Variants in LIMS1 observed in about 807,000 individuals in gnomAD.
LIMS1 encodes LIM and senescent cell antigen-like-containing domain protein 1.
Under a neutral mutation model 44.1 loss-of-function variants are expected in LIMS1, and 18 were observed. The observed-to-expected ratio is 0.41, with a 90% CI of 0.28 to 0.61. The LOEUF (loss-of-function observed/expected upper bound fraction) is 0.61. LIMS1 is among the 20% of genes least tolerant of loss of function. LIMS1 has a pLI of 0.32. For missense variants in LIMS1, 201 were observed against 422.0 expected (o/e 0.48, Z 4.59); for synonymous variants, 93 against 149.1 (o/e 0.62, Z 2.74).
intron 1 of LIMS1, among the ~76,000 whole-genome samples, chr2:108,646,341 CAACTATGTTGA>C (rs1364179953): frequency 6.6e-6 from 1 of 152,210 alleles, no homozygotes; most frequent in Non-Finnish European, 1.5e-5. Flanking sequence ...CAAAACCACA[CAACTATGTTGA>C]AACTGAACAA....
intron 1 of LIMS1, among the ~76,000 whole-genome samples, chr2:108,630,192 C>CAAAAAAA (rs59941456): frequency 1.9e-5 from 2 of 103,928 alleles, no homozygotes; most frequent in Non-Finnish European, 3.7e-5. Context: ...GACCCTGTCT[C>CAAAAAAA]AAAAAAAAAA....
chr2:108,629,590 A>G (rs1028472708), intron 1 of LIMS1, among the ~76,000 whole-genome samples: 2 of 152,182 alleles, frequency 1.3e-5, no homozygotes, highest in African/African-American at 4.8e-5. Context: ...TTTGTTTGAC[A>G]TTGCATCCTT....
intron 1 of LIMS1, among the ~76,000 whole-genome samples, chr2:108,565,081 A>G (rs796462448): frequency 1.1e-4 from 16 of 152,366 alleles, no homozygotes; most frequent in African/African-American, 3.6e-4. Flanking sequence ...GAACTGCTCC[A>G]TAACTGAGTT....
chr2:108,645,177 G>A (rs190511986), intron 1 of LIMS1, among the ~76,000 whole-genome samples: 189 of 152,042 alleles, frequency 1.2e-3, no homozygotes, highest in African/African-American at 4.4e-3. Context: ...GAAAAGCAAC[G>A]CCAGGACACA....
chr2:108,593,588 G>T (rs1028298239), intron 1 of LIMS1, among the ~76,000 whole-genome samples: 4 of 152,164 alleles, frequency 2.6e-5, no homozygotes, highest in Non-Finnish European at 4.4e-5. Context: ...AGAACAATTA[G>T]CACCTGTATA....
At chr2:108,593,743 A>G (rs533962962) in intron 1 of LIMS1, among the ~76,000 whole-genome samples, 1 of 152,364 alleles carries the variant, frequency 6.6e-6, no homozygotes, top group East Asian at 1.9e-4. Context: ...TGAATTTTCC[A>G]CAGATAAACC....
At chr2:108,637,101 G>A (rs1049464892) in intron 1 of LIMS1, among the ~76,000 whole-genome samples, 1,137 of 34,212 alleles carry the variant, frequency 0.033, 18 homozygotes, top group African/African-American at 0.086. Flanking sequence ...ATACATATAT[G>A]TGTGTGTGTG....
At chr2:108,624,481 A>T (rs1160534777) in intron 1 of LIMS1, among the ~76,000 whole-genome samples, 5 of 152,142 alleles carry the variant, frequency 3.3e-5, no homozygotes, top group Non-Finnish European at 5.9e-5. Context: ...TGGTGGCTGG[A>T]TGCAGTGGCT....
At chr2:108,552,758 T>C (rs993032888) in intron 1 of LIMS1, among the ~76,000 whole-genome samples, 4 of 151,824 alleles carry the variant, frequency 2.6e-5, no homozygotes, top group African/African-American at 7.3e-5. Flanking sequence ...TACATTTTTT[T>C]GTAGAGATAA....
At chr2:108,681,594 T>C (rs1692998665) in intron 9 of LIMS1, 1 of 965,456 alleles carries the variant, frequency 1.0e-6, no homozygotes, top group Non-Finnish European at 1.2e-6. Context: ...TTGATATTTT[T>C]AAAAATGCAT....
intron 1 of LIMS1, among the ~76,000 whole-genome samples, chr2:108,656,564 A>C (rs1332957996): frequency 6.6e-6 from 1 of 151,488 alleles, no homozygotes; most frequent in African/African-American, 2.4e-5. Flanking sequence ...CAAAGGCAAA[A>C]GAGGAAAGGG....
At chr2:108,660,386 T>C in intron 2 of LIMS1, 1 of 450,484 alleles carries the variant, frequency 2.2e-6, no homozygotes, top group Admixed American at 2.6e-5. Flanking sequence ...TCCTTTGTAG[T>C]GTATTTGGTA....
chr2:108,664,034 G>GT (rs1455746233), intron 2 of LIMS1, among the ~76,000 whole-genome samples: 1 of 152,186 alleles, frequency 6.6e-6, no homozygotes, highest in African/African-American at 2.4e-5. Context: ...GATTACAGGA[G>GT]TGAGCCACTA....
chr2:108,595,807 C>CT (rs1196252249), intron 1 of LIMS1, among the ~76,000 whole-genome samples: 3 of 152,096 alleles, frequency 2.0e-5, no homozygotes, highest in South Asian at 4.2e-4. Context: ...TTTGGAGCCT[C>CT]TTTTTTTTAT....
intron 1 of LIMS1, among the ~76,000 whole-genome samples, chr2:108,551,607 T>C (rs1245800865): frequency 7.3e-6 from 1 of 137,880 alleles, no homozygotes; most frequent in Non-Finnish European, 1.5e-5. Context: ...TATATATATA[T>C]GTATATATAT....
At chr2:108,603,059 T>G (rs2104726722) in intron 1 of LIMS1, among the ~76,000 whole-genome samples, 1 of 152,228 alleles carries the variant, frequency 6.6e-6, no homozygotes, top group Admixed American at 6.5e-5. Flanking sequence ...ATGCTGAGAT[T>G]TACAGGCACG....
chr2:108,560,249 A>C (rs1461048694), intron 1 of LIMS1, among the ~76,000 whole-genome samples: 1 of 152,298 alleles, frequency 6.6e-6, no homozygotes, highest in East Asian at 1.9e-4. Context: ...CACAGCAGCC[A>C]AAGTGATCTT....
At chr2:108,644,844 A>C (rs1689953608) in intron 1 of LIMS1, among the ~76,000 whole-genome samples, 1 of 151,958 alleles carries the variant, frequency 6.6e-6, no homozygotes, top group Non-Finnish European at 1.5e-5. Flanking sequence ...CAAGAACTTC[A>C]TGAAGCACAC....
intron 1 of LIMS1, among the ~76,000 whole-genome samples, chr2:108,632,399 G>A (rs1161742380): frequency 6.6e-6 from 1 of 152,178 alleles, no homozygotes; most frequent in East Asian, 1.9e-4. Context: ...TCTCTGCCTT[G>A]AAAGACACCA....
Sources: allele counts gnomAD v4.1 joint callset (sites outside exome capture counted in the v4.1 genomes callset), GRCh38; gene constraint gnomAD v4.1.1; transcripts MANE v1.5; gene names NCBI Gene and HGNC (gene_info 2026-07-23, HGNC 2026-07-21).